MIER2: variants seen among roughly 807,000 people sequenced by gnomAD.
The protein encoded by MIER2 is MIER family member 2, also known as mesoderm induction early response protein 2.
A neutral mutation model predicts 67.6 loss-of-function variants in MIER2; 30 were observed. The observed-to-expected ratio is 0.44, with a 90% CI of 0.33 to 0.60. The LOEUF (loss-of-function observed/expected upper bound fraction) is 0.60, where lower values mean the gene tolerates loss of function less well. Ranked by LOEUF, MIER2 falls within the 20% of genes least tolerant of loss-of-function variation. The pLI is 0.02. For synonymous variants in MIER2, 372 were observed against 312.6 expected (o/e 1.19, Z -2.00); for missense variants, 702 against 745.1 (o/e 0.94, Z 0.67).
intron 7 of MIER2, among the ~76,000 whole-genome samples, chr19:325,263 G>A (rs1971687074): frequency 6.6e-6 from 1 of 152,234 alleles, no homozygotes; most frequent in African/African-American, 2.4e-5. Flanking sequence ...GTGCAGCGCA[G>A]CATCCGGCGG....
chr19:328,087 C>A (rs983460586), intron 3 of MIER2, 98 bp from the exon 4 acceptor site: 1 of 1,528,562 alleles, frequency 6.5e-7, no homozygotes, highest in Non-Finnish European at 8.8e-7. Context: ...ACAACCAGGG[C>A]CACTCTGTCA....
intron 1 of MIER2, chr19:344,503 C>G (rs994277891): frequency 2.2e-5 from 10 of 452,924 alleles, no homozygotes; most frequent in Non-Finnish European, 2.3e-5. Flanking sequence ...CCTCCCCCAC[C>G]CCGGCCCCCG....
intron 4 of MIER2, 54 bp downstream of exon 4, chr19:327,804 GCAGCGC>G: frequency 1.3e-6 from 2 of 1,596,490 alleles, no homozygotes; most frequent in Admixed American, 1.8e-5. Context: ...CTGCAGAGAG[GCAGCGC>G]CAGGCCCCCC....
chr19:338,133 C>T (rs1452747490), intron 1 of MIER2, among the ~76,000 whole-genome samples: 1 of 126,372 alleles, frequency 7.9e-6, no homozygotes, highest in Admixed American at 1.0e-4. Flanking sequence ...GATCGTGCCA[C>T]TGCACTCCAG....
At chr19:309,012 G>T in intron 10 of MIER2, 87 bp from the exon 11 acceptor site, 1 of 1,526,674 alleles carries the variant, frequency 6.6e-7, no homozygotes, top group Non-Finnish European at 8.8e-7. Flanking sequence ...CTGGGACCCC[G>T]GGACAGCACA....
chr19:316,356 G>C (rs1021213505), intron 7 of MIER2, among the ~76,000 whole-genome samples: 1 of 151,868 alleles, frequency 6.6e-6, no homozygotes, highest in Non-Finnish European at 1.5e-5. Flanking sequence ...GCAGTGGTGC[G>C]ATCTTGGCTC....
In MIER2 at chr19:327,207, T is replaced by C. The variant is rs150312475; in HGVS notation, c.419A>G (p.Gln140Arg). The C allele has an allele frequency of 3.2e-3, 5,108 of 1,591,928 alleles. 16 individuals are homozygous for C. Among genetic ancestry groups the C allele is most frequent in the Middle Eastern group, 6.4e-3 (38 of 5,964 alleles). The change falls in exon 5 of 14, where the codon CAA becomes CGA. Residue 140 changes from glutamine to arginine, a missense_variant. Coordinates refer to ENST00000264819, the MANE Select transcript of MIER2 (RefSeq NM_017550.3). ...LLSGEEEEETQSSADDLTPSV... is the reference protein window; with the variant it reads ...LLSGEEEEETRSSADDLTPSV... ...CGGGGTGAGGTCGTCAGCAGATGAT[T>C]GCGTCTCTTCCTCTTCTTCCCCTGA...
chr19:341,463 C>G (rs755200924), intron 1 of MIER2, among the ~76,000 whole-genome samples: 1 of 152,124 alleles, frequency 6.6e-6, no homozygotes, highest in Non-Finnish European at 1.5e-5. Context: ...CAGAAAGGGC[C>G]GCTAACAGGG....
intron 7 of MIER2, among the ~76,000 whole-genome samples, chr19:323,579 G>C (rs971952384): frequency 2.7e-5 from 4 of 148,700 alleles, no homozygotes; most frequent in African/African-American, 1.0e-4. Context: ...TCAAATGACA[G>C]ACATCATCAC....
At chr19:342,603 T>C (rs1306661492) in intron 1 of MIER2, among the ~76,000 whole-genome samples, 1 of 149,208 alleles carries the variant, frequency 6.7e-6, no homozygotes, top group Non-Finnish European at 1.5e-5. Context: ...TTTTAAAAGA[T>C]CAATCTAGTA....
intron 7 of MIER2, among the ~76,000 whole-genome samples, chr19:320,021 TA>T (rs1202528487): frequency 4.6e-5 from 7 of 152,170 alleles, no homozygotes; most frequent in Non-Finnish European, 8.8e-5. Flanking sequence ...CACCAGGGGA[TA>T]CACAGCATTT....
chr19:325,502 A>G (rs1440765790), intron 7 of MIER2, 133 bp downstream of exon 7: 3 of 1,014,932 alleles, frequency 3.0e-6, no homozygotes, highest in Non-Finnish European at 4.5e-6. Flanking sequence ...CACCTCCTCC[A>G]GCCACAGGCT....
intron 10 of MIER2, among the ~76,000 whole-genome samples, chr19:311,138 C>A (rs113446432): frequency 0.13 from 19,787 of 152,262 alleles, 1,688 homozygotes; most frequent in African/African-American, 0.23. Context: ...GAGGCAGAAG[C>A]AAGGCTCGGC....
chr19:342,568 G>A (rs1360547865), intron 1 of MIER2, among the ~76,000 whole-genome samples: 2 of 150,644 alleles, frequency 1.3e-5, no homozygotes, highest in Non-Finnish European at 2.9e-5. Context: ...GTTTTAGGTA[G>A]GAGCAAAAGA....
chr19:327,807 G>T (rs980264635), intron 4 of MIER2, 57 bp downstream of exon 4: 1 of 1,599,112 alleles, frequency 6.3e-7, no homozygotes, highest in Non-Finnish European at 8.5e-7. Flanking sequence ...CAGAGAGGCA[G>T]CGCCAGGCCC....
chr19:340,265 G>C (rs998351585), intron 1 of MIER2, among the ~76,000 whole-genome samples: 1 of 152,200 alleles, frequency 6.6e-6, no homozygotes, highest in Non-Finnish European at 1.5e-5. Context: ...ACAACGGCTA[G>C]TACAGTTGAC....
chr19:344,749 C>T (rs1373436795), intron 1 of MIER2, 25 bp downstream of exon 1: 22 of 1,170,878 alleles, frequency 1.9e-5, no homozygotes, highest in Admixed American at 4.6e-5. Flanking sequence ...GGCGGGGGGC[C>T]GGCTCCCCCG....
intron 3 of MIER2, among the ~76,000 whole-genome samples, chr19:332,033 G>A (rs978911982): frequency 2.2e-4 from 33 of 152,162 alleles, no homozygotes; most frequent in Admixed American, 1.7e-3. Flanking sequence ...TACATTCAAA[G>A]AGATATGGAA....
At chr19:330,646 C>T (rs1026156609) in intron 3 of MIER2, among the ~76,000 whole-genome samples, 10 of 151,330 alleles carry the variant, frequency 6.6e-5, no homozygotes, top group African/African-American at 1.2e-4. Flanking sequence ...TATTTGGAGA[C>T]GGGGCATTTA....
Sources: allele counts gnomAD v4.1 joint callset (sites outside exome capture counted in the v4.1 genomes callset), GRCh38; gene constraint gnomAD v4.1.1; transcripts MANE v1.5; gene names NCBI Gene and HGNC (gene_info 2026-07-23, HGNC 2026-07-21).